Variants in APOB observed in about 807,000 individuals in gnomAD.
APOB encodes apolipoprotein B-100.
Under a neutral mutation model 314.1 loss-of-function variants are expected in APOB, and 153 were observed. The ratio of observed to expected loss-of-function variants is 0.49; its 90% confidence interval spans 0.43 to 0.56. The LOEUF (loss-of-function observed/expected upper bound fraction) is 0.56, where lower values mean the gene tolerates loss of function less well. Ranked by LOEUF, APOB falls within the 20% of genes least tolerant of loss-of-function variation. The pLI, the probability that APOB is intolerant of heterozygous loss-of-function variation, is 0.00. For missense variants in APOB, 5,430 were observed against 5,350.7 expected, an observed-to-expected ratio of 1.01 and a Z score of -0.46; for synonymous variants, 2,087 against 2,036.4, an observed-to-expected ratio of 1.02 and a Z score of -0.67.
chr2:21,008,047 T>C lies in APOB; in HGVS notation c.8821A>G (p.Thr2941Ala), dbSNP rs1397435657. The change falls in exon 26 of 29, where the codon ACA (threonine) becomes GCA (alanine). Residue 2941 changes from threonine (T) to alanine (A), a missense_variant. Coordinates refer to ENST00000233242, the MANE Select transcript of APOB (RefSeq NM_000384.3). ...WACPRFSDEG[T>A]HESQISFTIE... is the part of the protein sequence containing the mutation. Reference sequence around the variant, plus strand: ...GTGAAACTAATTTGTGATTCATGTGTTCCCTCATCTGAGAATCTGGGGCAG... The same window carrying C: ...GTGAAACTAATTTGTGATTCATGTGCTCCCTCATCTGAGAATCTGGGGCAG... 6.2e-7 allele frequency: 1 copy of C among 1,614,140 alleles called. No homozygotes were observed. Among genetic ancestry groups the C allele is most frequent in the South Asian group, 1.1e-5 (1 of 91,084 alleles).
intron 4 of APOB, among the ~76,000 whole-genome samples, chr2:21,040,007 G>A (rs1357158341): frequency 6.6e-6 from 1 of 152,166 alleles, no homozygotes; most frequent in Non-Finnish European, 1.5e-5. Context: ...TAATTCCCAC[G>A]TGTTGTGGGA....
chr2:21,005,195 A>G lies in APOB; in HGVS notation c.11673T>C (p.Ser3891=). ...QALTARFEVD[S]PVYNATWSAS... is the part of the protein sequence containing the mutation. ...CACTCCAAGTGGCATTATACACGGG[A>G]GAGTCTACCTCAAAGCGTGCAGTCA... is the stretch of plus-strand genomic sequence containing the variant. The change falls in exon 26 of 29, where the codon TCT becomes TCC. Residue 3891 remains serine, a synonymous_variant. Transcript: ENST00000233242. The G allele has an allele frequency of 6.2e-7, 1 of 1,614,064 alleles. No homozygotes were observed. Among genetic ancestry groups the G allele is most frequent in the Non-Finnish European group, 8.5e-7 (1 of 1,179,944 alleles).
chr2:21,012,739 C>T, intron 25 of APOB, 88 bp from the exon 26 acceptor site: 2 of 1,463,162 alleles, frequency 1.4e-6, no homozygotes, highest in South Asian at 1.2e-5. Context: ...ATAATAAAGC[C>T]CCATTTTTCT....
chr2:21,004,553 C>T lies in APOB; in HGVS notation c.11903+8G>A, dbSNP rs758632834. 1.4e-5 allele frequency: 22 copies of T among 1,613,072 alleles called. No homozygotes were observed. The highest frequency in any genetic ancestry group is 1.8e-5 in the Non-Finnish European group (21 of 1,179,078). On this transcript the variant is annotated splice_region_variant and intron_variant, in intron 27 of 28. Coordinates refer to ENST00000233242, the MANE Select transcript of APOB (RefSeq NM_000384.3). ...GTATAAGGTTTCAATTCAATAAAAGCTCCATACTGAAGTCCTTCATATTTG... is the reference window on the plus strand; with the variant it reads ...GTATAAGGTTTCAATTCAATAAAAGTTCCATACTGAAGTCCTTCATATTTG...
intron 15 of APOB, among the ~76,000 whole-genome samples, chr2:21,025,451 C>T (rs1235408113): frequency 6.6e-6 from 1 of 152,116 alleles, no homozygotes; most frequent in Non-Finnish European, 1.5e-5. Flanking sequence ...CCACCCGTTC[C>T]CTGCTTAGCC....
chr2:21,005,588 C>T lies in APOB; in HGVS notation c.11280G>A (p.Ser3760=), dbSNP rs757222680. The part of the protein sequence containing the change: ...HVPFTDLQVP[S]CKLDFREIQI... ...GTATTTCTCTGAAGTCAAGTTTGCA[C>T]GATGGAACCTGAAGATCTGTAAATG... The change falls in exon 26 of 29, where the codon TCG becomes TCA. Residue 3760 remains serine (S), a synonymous_variant. Coordinates refer to ENST00000233242, the MANE Select transcript of APOB (RefSeq NM_000384.3). The T allele has an allele frequency of 9.3e-6, 15 of 1,613,868 alleles. No individual in the cohort carries two copies. Among genetic ancestry groups the T allele is most frequent in the East Asian group, 2.2e-5 (1 of 44,890 alleles).
chr2:21,015,598 T>G, intron 21 of APOB, 53 bp from the exon 22 acceptor site: 1 of 1,575,558 alleles, frequency 6.3e-7, no homozygotes, highest in Non-Finnish European at 8.7e-7. Context: ...TCAATGGAGA[T>G]ATGCAGGATT....
At position 21,012,342 on chromosome 2, in the gene APOB, G is replaced by T. The variant is rs770808629; in HGVS notation, c.4526C>A (p.Pro1509His). The T allele has an allele frequency of 1.2e-6, 2 of 1,614,026 alleles. No homozygotes were observed. Among genetic ancestry groups the T allele is most frequent in the Non-Finnish European group, 1.7e-6 (2 of 1,180,046 alleles). The change falls in exon 26 of 29, where the codon CCT (proline) becomes CAT (histidine). Residue 1509 changes from proline (P) to histidine (H), a missense_variant. Physicochemically the swap from Pro to His is moderately conservative, Grantham distance 77. Around this residue, in one of 3 missense-constraint regions of APOB, gnomAD observed 2,085 missense variants for 2,079.7 expected, o/e 1.00. Transcript: ENST00000233242. Reference sequence around the variant, plus strand: ...CTCTCCATTGAGCCGGCCAGTGTTAGGATCCCTCTGACAAGACAGGCCATA... The same window carrying T: ...CTCTCCATTGAGCCGGCCAGTGTTATGATCCCTCTGACAAGACAGGCCATA... Reference protein sequence around the residue: ...GTYGLSCQRDPNTGRLNGESN... With the variant: ...GTYGLSCQRDHNTGRLNGESN...
chr2:21,033,830 A>G (rs1663938649), intron 8 of APOB, among the ~76,000 whole-genome samples: 1 of 152,180 alleles, frequency 6.6e-6, no homozygotes, highest in Admixed American at 6.5e-5. Flanking sequence ...CCCAGAGATG[A>G]GACAAAGAGA....
rs1245559979 is a variant in APOB at position 21,041,004 on chromosome 2, T to C, written c.317A>G (p.Asn106Ser). The change falls in exon 4 of 29, where the codon AAC (asparagine) becomes AGC (serine). Residue 106 changes from asparagine to serine, a missense_variant. Physicochemically the swap from Asn to Ser is conservative, Grantham distance 46 (BLOSUM62 1). Coordinates refer to ENST00000233242, the MANE Select transcript of APOB (RefSeq NM_000384.3). The part of the protein sequence containing the change: ...QCTLKEVYGF[N>S]PEGKALLKKT... The stretch of plus-strand genomic sequence containing the variant: ...CTTCAGCAAGGCTTTGCCCTCAGGG[T>C]TGAAGCCATACACCTCTTTCAGGGT... 1.2e-6 allele frequency: 2 copies of C among 1,613,890 alleles called. No individual in the cohort carries two copies. Among genetic ancestry groups the C allele is most frequent in the South Asian group, 2.2e-5 (2 of 91,004 alleles).
rs1345018343 is a variant in APOB at position 21,007,459 on chromosome 2, G to C, written c.9409C>G (p.Leu3137Val). 1.9e-6 allele frequency: 3 copies of C among 1,613,964 alleles called. No individual in the cohort carries two copies. The African/African-American group carries it at 4.0e-5, about 22-fold the overall frequency. Residue 3137 changes from leucine to valine, a missense_variant, in exon 26 of 29, where the codon CTA becomes GTA. Around this residue, in one of 3 missense-constraint regions of APOB, gnomAD observed 3,281 missense variants for 3,171.0 expected, o/e 1.03. Transcript: ENST00000233242. ...GGAGTTGTGATTATTGTGTAAGGTA[G>C]ACGCATTTCAGGAATTGTTAAAGGA... Reference protein sequence around the residue: ...NIPLTIPEMRLPYTIITTPPL... With the variant: ...NIPLTIPEMRVPYTIITTPPL...
chr2:21,006,693 C>A lies in APOB; in HGVS notation c.10175G>T (p.Gly3392Val), dbSNP rs766480544. 1 of 1,614,096 alleles carries A rather than the reference C, an allele frequency of 6.2e-7. No individual in the cohort carries two copies. The highest frequency in any genetic ancestry group is 1.1e-5 in the South Asian group (1 of 91,082). ...AGACAGAGCTGTGGCTAACTTCAATCCCCTTTTTCTTGTCAATCTTGTGGT... is the reference window on the plus strand; with the variant it reads ...AGACAGAGCTGTGGCTAACTTCAATACCCTTTTTCTTGTCAATCTTGTGGT... Reference protein sequence around the residue: ...EGTTRLTRKRGLKLATALSLS... With the variant: ...EGTTRLTRKRVLKLATALSLS... The change falls in exon 26 of 29, where the codon GGA (glycine) becomes GTA (valine). Residue 3392 changes from glycine (G) to valine (V), a missense_variant. This residue lies in a region of APOB where 3,281 missense variants were observed against 3,171.0 expected (regional missense o/e 1.03). Transcript: ENST00000233242.
chr2:21,011,855 C>T lies in APOB; in HGVS notation c.5013G>A (p.Leu1671=), dbSNP rs770248525. ...CCCCAGAGAGGCCAAGCTCTGCATTCAGCTCATTCTCCAGCACCAGGAGAC... is the reference window on the plus strand; with the variant it reads ...CCCCAGAGAGGCCAAGCTCTGCATTTAGCTCATTCTCCAGCACCAGGAGAC... ...KCSLLVLENE[L]NAELGLSGAS... The change falls in exon 26 of 29, where the codon CTG becomes CTA. Residue 1671 remains leucine (L), a synonymous_variant. Coordinates refer to ENST00000233242, the MANE Select transcript of APOB (RefSeq NM_000384.3). The T allele has an allele frequency of 5.6e-6, 9 of 1,613,904 alleles. No homozygotes were observed. In the East Asian group the frequency reaches 6.7e-5, roughly 12 times the overall value.
rs763445065 is a variant in APOB, at chr2:21,007,144, G to C, written c.9724C>G (p.Leu3242Val). ...CCAGGAATTTGAAAGGTCCTGGGGA[G>C]CTCGTCGTGAGATTTTTCAGCTTTG... ...KYKAEKSHDE[L>V]PRTFQIPGYT... The change falls in exon 26 of 29, where the codon CTC becomes GTC. Residue 3242 changes from leucine to valine, a missense_variant. Leu to Val is a conservative substitution (Grantham distance 32). Coordinates refer to ENST00000233242, the MANE Select transcript of APOB (RefSeq NM_000384.3). The C allele has an allele frequency of 1.2e-6, 2 of 1,613,982 alleles. No homozygotes were observed. Among genetic ancestry groups the C allele is most frequent in the South Asian group, 2.2e-5 (2 of 91,072 alleles).
intron 19 of APOB, 140 bp downstream of exon 19, chr2:21,019,583 T>C: frequency 1.1e-6 from 1 of 935,820 alleles, no homozygotes; most frequent in African/African-American, 1.6e-5. Flanking sequence ...AGGACCCTGC[T>C]TTAAATACCC....
rs140139277 is a variant in APOB, at chr2:21,040,362, C to T, written c.383+576G>A. On this transcript the variant is annotated intron_variant, in intron 4 of 28. Coordinates refer to ENST00000233242, the MANE Select transcript of APOB (RefSeq NM_000384.3). Reference sequence around the variant, plus strand: ...CAACTCTATCCTGCCTGTATTCATACACACCTAGGACCCTACAAACTGTGA... The same window carrying T: ...CAACTCTATCCTGCCTGTATTCATATACACCTAGGACCCTACAAACTGTGA... Among the ~76,000 whole-genome samples the T allele has an allele frequency of 2.4e-3, 361 of 152,328 alleles. 1 individual carries two copies. The highest frequency in any genetic ancestry group is 8.3e-3 in the African/African-American group (346 of 41,568).
intron 10 of APOB, among the ~76,000 whole-genome samples, chr2:21,031,469 A>G (rs550616090): frequency 2.0e-5 from 3 of 152,308 alleles, no homozygotes; most frequent in African/African-American, 7.2e-5. Flanking sequence ...GTGGAGGGAG[A>G]TGGATGGTGA....
intron 8 of APOB, among the ~76,000 whole-genome samples, 173 bp downstream of exon 8, chr2:21,034,643 T>C (rs1391542772): frequency 6.6e-6 from 1 of 152,228 alleles, no homozygotes; most frequent in Non-Finnish European, 1.5e-5. Context: ...CTTTATGCCA[T>C]TGCAACTTGA....
rs773164837 is a variant in APOB at position 21,032,553 on chromosome 2, A to G, written c.1153T>C (p.Cys385Arg). The G allele has an allele frequency of 1.9e-6, 3 of 1,614,182 alleles. No individual in the cohort carries two copies. Among genetic ancestry groups the G allele is most frequent in the Admixed American group, 3.3e-5 (2 of 60,028 alleles). Residue 385 changes from cysteine (C) to arginine (R), a missense_variant, in exon 10 of 29, where the codon TGT becomes CGT. This residue lies in a region of APOB where 2,085 missense variants were observed against 2,079.7 expected (regional missense o/e 1.00). Coordinates refer to ENST00000233242, the MANE Select transcript of APOB (RefSeq NM_000384.3). ...SPITLQALVQ[C>R]GQPQCSTHIL... ...TGAGTGGAGCACTGAGGCTGTCCACACTGAACCAAGGCTTGTAAAGTGATG... is the reference window on the plus strand; with the variant it reads ...TGAGTGGAGCACTGAGGCTGTCCACGCTGAACCAAGGCTTGTAAAGTGATG...
Sources: allele counts gnomAD v4.1 joint callset (sites outside exome capture counted in the v4.1 genomes callset), GRCh38; gene constraint gnomAD v4.1.1; regional missense constraint gnomAD v4.1.1; transcripts MANE v1.5; gene names NCBI Gene and HGNC (gene_info 2026-07-23, HGNC 2026-07-21).